NRG1: variants seen among roughly 807,000 people sequenced by gnomAD.
NRG1 encodes pro-neuregulin-1, membrane-bound isoform.
In NRG1, 18 loss-of-function variants were observed where a neutral mutation model predicts 63.8. The ratio of observed to expected loss-of-function variants is 0.28; its 90% CI spans 0.19 to 0.42. The LOEUF is 0.42. Ranked by LOEUF, NRG1 falls within the 10% of genes least tolerant of loss-of-function variation. The probability of loss-of-function intolerance (pLI) is 1.00; values close to 1 mark genes in which losing one functional copy is unlikely to be tolerated. For synonymous variants in NRG1, 302 were observed against 301.3 expected, an observed-to-expected ratio of 1.00 and a Z score of -0.02; for missense variants, 762 against 814.7, an observed-to-expected ratio of 0.94 and a Z score of 0.79.
intron 1 of NRG1, among the ~76,000 whole-genome samples, chr8:32,206,207 A>G (rs1451181596): frequency 6.6e-6 from 1 of 152,192 alleles, no homozygotes; most frequent in Non-Finnish European, 1.5e-5. Flanking sequence ...CTCTTTTGGT[A>G]GCAGAGAGCT....
intron 5 of NRG1, among the ~76,000 whole-genome samples, chr8:32,649,617 G>C (rs1854550744): frequency 6.6e-6 from 1 of 152,198 alleles, no homozygotes; most frequent in Admixed American, 6.5e-5. Context: ...TCAGTGTGAA[G>C]TAGTGCAGCA....
At position 32,439,771 on chromosome 8, in the gene NRG1, A is replaced by ATTT. The variant is rs11306096; in HGVS notation, c.38-156042_38-156040dup. On this transcript the variant is annotated intron_variant, in intron 1 of 10. Transcript: ENST00000519301. ...TAACTACTAAAAAATCGAATAAGTGATTTTTTTTTTTTTTTTTGAGGCAGG... is the reference window on the plus strand; with the variant it reads ...TAACTACTAAAAAATCGAATAAGTGATTTTTTTTTTTTTTTTTTTTGAGGCAGG... Among the ~76,000 whole-genome samples the ATTT allele has an allele frequency of 7.3e-4, 97 of 133,480 alleles. 1 individual carries two copies. Among genetic ancestry groups the ATTT allele is most frequent in the South Asian group, 4.9e-4 (2 of 4,048 alleles). 87.6% of individuals were successfully genotyped at this position (133,480 alleles called of 152,430 possible).
chr8:32,692,610 G>T (rs1812058782), intron 5 of NRG1, among the ~76,000 whole-genome samples: 2 of 152,210 alleles, frequency 1.3e-5, no homozygotes, highest in African/African-American at 2.4e-5. Flanking sequence ...ATATTTGTGT[G>T]TGCAATGAAC....
At chr8:32,287,622 A>G (rs1475775125) in intron 1 of NRG1, 3 of 152,250 alleles carry the variant, frequency 2.0e-5, no homozygotes, top group Non-Finnish European at 2.9e-5. Context: ...GGATTTATTC[A>G]TCAAGCATTC....
chr8:32,115,277 C>T (rs574345524), intron 1 of NRG1, among the ~76,000 whole-genome samples: 93 of 152,036 alleles, frequency 6.1e-4, no homozygotes, highest in African/African-American at 2.2e-3. Context: ...GTGATCCACC[C>T]GCCTCAGCCT....
chr8:32,615,805 T>C (rs906093596), intron 4 of NRG1, among the ~76,000 whole-genome samples: 2 of 151,792 alleles, frequency 1.3e-5, no homozygotes, highest in Non-Finnish European at 2.9e-5. Flanking sequence ...CGGAATGGTA[T>C]GATCCTGGAG....
intron 1 of NRG1, among the ~76,000 whole-genome samples, chr8:32,587,178 C>G (rs1479475328): frequency 6.6e-6 from 1 of 151,474 alleles, no homozygotes; most frequent in East Asian, 1.9e-4. Flanking sequence ...AACACCACTG[C>G]ATTCTAGCCT....
chr8:32,304,053 T>G (rs954128467), intron 1 of NRG1, among the ~76,000 whole-genome samples: 12 of 152,256 alleles, frequency 7.9e-5, no homozygotes, highest in Admixed American at 6.5e-4. Context: ...CAGGATTCAC[T>G]TTTTCTCTCT....
chr8:31,648,423 C>T (rs1317278096), intron 1 of NRG1, among the ~76,000 whole-genome samples: 2 of 152,060 alleles, frequency 1.3e-5, no homozygotes, highest in South Asian at 2.1e-4. Context: ...TGAGCCACCG[C>T]GCCCGGCCCT....
At chr8:32,537,089 G>A (rs1832063420) in intron 1 of NRG1, among the ~76,000 whole-genome samples, 1 of 150,034 alleles carries the variant, frequency 6.7e-6, no homozygotes, top group Non-Finnish European at 1.5e-5. Flanking sequence ...CCAGCTACTC[G>A]GGAGGCTGAG....
intron 1 of NRG1, among the ~76,000 whole-genome samples, chr8:31,976,194 G>T (rs893347590): frequency 6.6e-6 from 1 of 152,112 alleles, no homozygotes; most frequent in Non-Finnish European, 1.5e-5. Flanking sequence ...ACCATTGTTT[G>T]GTAAAAGATT....
intron 1 of NRG1, among the ~76,000 whole-genome samples, chr8:32,003,147 T>A (rs1186765369): frequency 6.6e-6 from 1 of 152,072 alleles, no homozygotes; most frequent in African/African-American, 2.4e-5. Context: ...GGTTGTAGTG[T>A]ACATTTGTGA....
intron 1 of NRG1, among the ~76,000 whole-genome samples, chr8:32,529,180 A>G (rs368829978): frequency 1.3e-5 from 2 of 152,234 alleles, no homozygotes; most frequent in African/African-American, 4.8e-5. Flanking sequence ...ACTGTAGGCA[A>G]TTGTAACACA....
At chr8:32,574,804 C>A (rs776644461) in intron 1 of NRG1, among the ~76,000 whole-genome samples, 5 of 152,278 alleles carry the variant, frequency 3.3e-5, no homozygotes, top group African/African-American at 1.2e-4. Flanking sequence ...TTATTTTTTA[C>A]AGCAATGCAA....
chr8:32,403,299 CAAAAAAA>C (rs68127664), intron 1 of NRG1, among the ~76,000 whole-genome samples: 1 of 89,804 alleles, frequency 1.1e-5, no homozygotes. Flanking sequence ...CACTCTGTCT[CAAAAAAA>C]AAAAAAAAAA....
At chr8:32,021,533 G>A (rs986203937) in intron 1 of NRG1, among the ~76,000 whole-genome samples, 1 of 152,058 alleles carries the variant, frequency 6.6e-6, no homozygotes, top group Admixed American at 6.5e-5. Flanking sequence ...CTCCCAATAG[G>A]CCCTACCTCC....
intron 1 of NRG1, among the ~76,000 whole-genome samples, chr8:31,737,048 C>G (rs1054196894): frequency 6.6e-6 from 1 of 152,070 alleles, no homozygotes; most frequent in African/African-American, 2.4e-5. Flanking sequence ...CCATCTAGGC[C>G]AAGACTGGGT....
chr8:32,075,651 CTTTTTTTTTTTTTTTTTTTTTTT>C (rs200354474), intron 1 of NRG1, among the ~76,000 whole-genome samples: 4 of 150,296 alleles, frequency 2.7e-5, no homozygotes, highest in African/African-American at 7.5e-5. Context: ...ATATTTTAAC[CTTTTTTTTTTTTTTTTTTTTTTT>C]TTTTTTTTTT....
At chr8:32,705,481 A>G (rs1275198756) in intron 5 of NRG1, among the ~76,000 whole-genome samples, 1 of 152,212 alleles carries the variant, frequency 6.6e-6, no homozygotes, top group African/African-American at 2.4e-5. Flanking sequence ...GAAATGTGCT[A>G]AAGTGGCAAA....
Sources: allele counts gnomAD v4.1 joint callset (sites outside exome capture counted in the v4.1 genomes callset), GRCh38; gene constraint gnomAD v4.1.1; transcripts MANE v1.5; gene names NCBI Gene and HGNC (gene_info 2026-07-23, HGNC 2026-07-21).